The following ZFR variants were observed in gnomAD, a reference collection of about 807,000 sequenced individuals.
ZFR encodes zinc finger RNA-binding protein.
In ZFR, 19 loss-of-function variants were observed where a neutral mutation model predicts 130.7. The ratio of observed to expected loss-of-function variants is 0.15; its 90% confidence interval spans 0.10 to 0.21. The LOEUF (loss-of-function observed/expected upper bound fraction) is 0.21, where lower values mean the gene tolerates loss of function less well. Ranked by LOEUF, ZFR falls within the 10% of genes least tolerant of loss-of-function variation. The pLI is 1.00. For missense variants in ZFR, 872 were observed against 1,321.5 expected (o/e 0.66, Z 5.27); for synonymous variants, 466 against 456.9 (o/e 1.02, Z -0.25).
At chr5:32,368,373 T>A (rs1240970152) in intron 17 of ZFR, among the ~76,000 whole-genome samples, 1 of 152,170 alleles carries the variant, frequency 6.6e-6, no homozygotes, top group African/African-American at 2.4e-5. Context: ...GTAGCTGGGA[T>A]TATGGGCATG....
At chr5:32,364,106 T>C (rs768676427) in intron 18 of ZFR, 58 bp downstream of exon 18, 2 of 1,598,910 alleles carry the variant, frequency 1.3e-6, no homozygotes, top group Non-Finnish European at 1.7e-6. Flanking sequence ...AAAAAAATTA[T>C]TCAACCAGCA....
intron 15 of ZFR, 108 bp downstream of exon 15, chr5:32,385,400 T>G: frequency 7.7e-7 from 1 of 1,306,602 alleles, no homozygotes; most frequent in Non-Finnish European, 1.0e-6. Flanking sequence ...TCTATCAAAT[T>G]CACGTGTAAT....
At chr5:32,374,918 T>G (rs1561867911) in intron 17 of ZFR, among the ~76,000 whole-genome samples, 1 of 152,324 alleles carries the variant, frequency 6.6e-6, no homozygotes, top group South Asian at 2.1e-4. Context: ...AACAAAGTTT[T>G]GATGCTACTA....
chr5:32,369,632 C>T (rs1410296242), intron 17 of ZFR, among the ~76,000 whole-genome samples: 1 of 151,734 alleles, frequency 6.6e-6, no homozygotes, highest in African/African-American at 2.4e-5. Flanking sequence ...ATAGTGAGAC[C>T]TTATCTCTAC....
intron 17 of ZFR, among the ~76,000 whole-genome samples, chr5:32,375,656 G>A (rs1018238790): frequency 4.0e-5 from 6 of 151,880 alleles, no homozygotes; most frequent in Non-Finnish European, 7.4e-5. Context: ...ACAAGCACAT[G>A]CCACCATGCC....
intron 11 of ZFR, among the ~76,000 whole-genome samples, chr5:32,393,888 GAAAC>G (rs1338135997): frequency 1.3e-5 from 2 of 151,956 alleles, no homozygotes; most frequent in East Asian, 3.9e-4. Context: ...CTTGGTGAAA[GAAAC>G]AAAAAAGTGC....
At chr5:32,411,709 A>AAGGGGGGGGG in intron 5 of ZFR, among the ~76,000 whole-genome samples, 1 of 73,116 alleles carries the variant, frequency 1.4e-5, no homozygotes, top group Non-Finnish European at 2.3e-5. Context: ...AAAAAAATTG[A>AAGGGGGGGGG]GGGGGGGCGG....
chr5:32,413,247 C>A (rs926693127), intron 5 of ZFR, among the ~76,000 whole-genome samples: 5 of 151,442 alleles, frequency 3.3e-5, no homozygotes, highest in Non-Finnish European at 7.4e-5. Flanking sequence ...ACAAAAAAAA[C>A]CTGATATAAA....
At chr5:32,403,823 A>C (rs1216407938) in intron 7 of ZFR, 83 bp downstream of exon 7, 2 of 1,372,460 alleles carry the variant, frequency 1.5e-6, no homozygotes, top group African/African-American at 2.9e-5. Flanking sequence ...TCGAACTTTG[A>C]AGTTACCTTT....
In ZFR at chr5:32,400,207, G is replaced by A. The variant is rs746854940; in HGVS notation, c.1517-4C>T. ...GTTGACTGCAGCTTATTACCACCTAGAAAAGTATCAAAAAGTTAAAAAAAA... is the reference window on the plus strand; with the variant it reads ...GTTGACTGCAGCTTATTACCACCTAAAAAAGTATCAAAAAGTTAAAAAAAA... On this transcript the variant is annotated splice_region_variant and splice_polypyrimidine_tract_variant and intron_variant, in intron 8 of 19. Coordinates refer to ENST00000265069, the MANE Select transcript of ZFR (RefSeq NM_016107.5). 6.4e-7 allele frequency: 1 copy of A among 1,567,276 alleles called. No individual in the cohort carries two copies. The highest frequency in any genetic ancestry group is 8.6e-7 in the Non-Finnish European group (1 of 1,161,284).
At chr5:32,405,502 A>AT (rs1753561502) in intron 6 of ZFR, among the ~76,000 whole-genome samples, 1 of 152,162 alleles carries the variant, frequency 6.6e-6, no homozygotes, top group East Asian at 1.9e-4. Context: ...AGCCAGCCTT[A>AT]TATGCACTCA....
chr5:32,369,190 G>A (rs918940065), intron 17 of ZFR, among the ~76,000 whole-genome samples: 3 of 152,154 alleles, frequency 2.0e-5, no homozygotes, highest in Admixed American at 6.5e-5. Context: ...GTTAGTTCAT[G>A]TACCGTTTGC....
Position 32,380,165 on chromosome 5 carries a change from G to A in ZFR, c.2649C>T (p.Thr883=), listed in dbSNP as rs371175305. 1 of 1,613,702 alleles carries A rather than the reference G, an allele frequency of 6.2e-7. No homozygotes were observed. The highest frequency in any genetic ancestry group is 1.1e-5 in the South Asian group (1 of 91,054). ...CCGGTGGGTCTTTCACCATACCCGA[G>A]GTTACATCTAAAATGGATTGAATTG... ...REENMREGDV[T]SGMVKDPPDV... The change falls in exon 16 of 20, where the codon ACC becomes ACT. Residue 883 remains threonine (T), a synonymous_variant. Coordinates refer to ENST00000265069, the MANE Select transcript of ZFR (RefSeq NM_016107.5).
chr5:32,415,483 G>GGT (rs1467111617), intron 4 of ZFR, among the ~76,000 whole-genome samples: 3 of 68,226 alleles, frequency 4.4e-5, no homozygotes, highest in African/African-American at 6.4e-5. Context: ...TTTCTGAAAA[G>GGT]GAGTGTGTGT....
intron 2 of ZFR, among the ~76,000 whole-genome samples, chr5:32,442,058 A>T (rs1383514179): frequency 6.6e-6 from 1 of 152,208 alleles, no homozygotes; most frequent in African/African-American, 2.4e-5. Context: ...TCTTTAAATC[A>T]GCATTTCCTT....
intron 4 of ZFR, 87 bp downstream of exon 4, chr5:32,417,561 T>C (rs568954461): frequency 1.9e-6 from 3 of 1,539,596 alleles, no homozygotes; most frequent in Non-Finnish European, 2.7e-6. Context: ...TGAGTTTAGA[T>C]GGACTCAAAA....
intron 9 of ZFR, among the ~76,000 whole-genome samples, chr5:32,399,603 T>C (rs1039336147): frequency 6.6e-6 from 1 of 152,248 alleles, no homozygotes; most frequent in Non-Finnish European, 1.5e-5. Flanking sequence ...GAATATATTC[T>C]GTTAAATCAG....
intron 19 of ZFR, among the ~76,000 whole-genome samples, chr5:32,361,037 A>G (rs950059886): frequency 6.6e-6 from 1 of 151,978 alleles, no homozygotes. Context: ...TCGTTCTTGA[A>G]CTCATGGGCT....
Position 32,400,149 on chromosome 5 carries a change from T to C in ZFR, c.1571A>G (p.Glu524Gly), listed in dbSNP as rs553463288. The C allele has an allele frequency of 6.2e-7, 1 of 1,612,516 alleles. No homozygotes were observed. Among genetic ancestry groups the C allele is most frequent in the African/African-American group, 1.3e-5 (1 of 75,042 alleles). Reference sequence around the variant, plus strand: ...AGTGACAGGAGTACTTTTAACACATTCGGTTCCTTTTATGTCTTCTGCTTT... The same window carrying C: ...AGTGACAGGAGTACTTTTAACACATCCGGTTCCTTTTATGTCTTCTGCTTT... ...GNKAEDIKGT[E>G]CVKSTPVTSA... Residue 524 changes from glutamate (E) to glycine (G), a missense_variant, in exon 9 of 20, where the codon GAA becomes GGA. Physicochemically the swap from Glu to Gly is moderately conservative, Grantham distance 98 (BLOSUM62 -2). Around this residue, in one of 7 missense-constraint regions of ZFR, gnomAD observed 143 missense variants for 137.9 expected, o/e 1.04. Transcript: ENST00000265069.
Sources: gnomAD v4.1 joint callset for allele counts (sites outside exome capture counted in the v4.1 genomes callset) on GRCh38, gnomAD v4.1.1 for gene constraint, gnomAD v4.1.1 regional missense constraint, MANE v1.5 for transcripts, NCBI Gene and HGNC (gene_info 2026-07-23, HGNC 2026-07-21) for gene names.